GRM4: variants seen among roughly 807,000 people sequenced by gnomAD.
GRM4 encodes the protein glutamate metabotropic receptor 4, also known as metabotropic glutamate receptor 4.
A neutral mutation model predicts 81.7 loss-of-function variants in GRM4; 28 were observed. That is an observed-to-expected ratio of 0.34 (90% CI 0.25 to 0.47). GRM4 has a LOEUF of 0.47. GRM4 is among the 20% of genes least tolerant of loss of function. GRM4 has a pLI of 1.00. For missense variants in GRM4, 948 were observed against 1,290.0 expected (o/e 0.73, Z 4.06); for synonymous variants, 488 against 528.8 (o/e 0.92, Z 1.06).
At chr6:34,072,746 ATCACCACACACCACACAG>A (rs1767013903) in intron 3 of GRM4, among the ~76,000 whole-genome samples, 5 of 21,012 alleles carry the variant, frequency 2.4e-4, no homozygotes, top group Non-Finnish European at 1.9e-4. Context: ...CACCCACACA[ATCACCACACACCACACAG>A]ATACACACCA....
chr6:34,121,419 GC>G lies in GRM4; in HGVS notation c.519+11558del, dbSNP rs1196483933. Among the ~76,000 whole-genome samples, 1 of 152,170 alleles carries G rather than the reference GC, an allele frequency of 6.6e-6. No homozygotes were observed. The highest frequency in any genetic ancestry group is 1.5e-5 in the Non-Finnish European group (1 of 68,040). On this transcript the variant is annotated intron_variant, in intron 2 of 10. Transcript: ENST00000538487. This position sits in a 1 kb window ranked among gnomAD's most constrained non-coding sequence, Gnocchi z 4.6. ...CAGGGCCCTGACAGAGGTTAATGCTGCCCATCCTCCCCTCGGCCACAACCCC... is the reference window on the plus strand; with the variant it reads ...CAGGGCCCTGACAGAGGTTAATGCTGCCATCCTCCCCTCGGCCACAACCCC...
intron 2 of GRM4, among the ~76,000 whole-genome samples, chr6:34,113,690 T>C (rs1769478182): frequency 6.6e-6 from 1 of 152,068 alleles, no homozygotes; most frequent in Admixed American, 6.5e-5. Context: ...GACGACTCTC[T>C]GGGAGGAGTG....
At chr6:34,096,926 GTGTGTGTC>G (rs1232799893) in intron 2 of GRM4, among the ~76,000 whole-genome samples, 1 of 131,862 alleles carries the variant, frequency 7.6e-6, no homozygotes, top group Non-Finnish European at 1.9e-5. Context: ...GTGTGTGTGT[GTGTGTGTC>G]TGTGTGAGTG....
rs115487285 is a variant in GRM4 at position 34,105,976 on chromosome 6, T to C, written c.520-13877A>G. Reference sequence around the variant, plus strand: ...ACAGCTCCAGCATCTCTGTCTGGGCTATCACAACAGGGCCCTTAGCCTCCT... The same window carrying C: ...ACAGCTCCAGCATCTCTGTCTGGGCCATCACAACAGGGCCCTTAGCCTCCT... On this transcript the variant is annotated intron_variant, in intron 2 of 10. Transcript: ENST00000538487. 9.8e-3 allele frequency: 1,494 copies of C among 152,434 alleles called. 20 individuals carry two copies. The highest frequency in any genetic ancestry group is 0.014 in the Non-Finnish European group (939 of 68,116). The allele number at this position is 152,434 out of a possible 1,614,324, so 9.4% of individuals were successfully genotyped here. A position where few individuals can be genotyped will look rare whatever the true frequency, so the allele number is the denominator to read the frequency against.
chr6:34,122,036 T>A (rs1317932111), intron 2 of GRM4, among the ~76,000 whole-genome samples: 1 of 151,960 alleles, frequency 6.6e-6, no homozygotes, highest in Non-Finnish European at 1.5e-5. Context: ...AATCAAGGTA[T>A]GAGGCAGGCG....
chr6:34,044,359 CACAG>C (rs1423314988), intron 6 of GRM4, among the ~76,000 whole-genome samples: 85 of 149,702 alleles, frequency 5.7e-4, no homozygotes, highest in African/African-American at 9.0e-4. Flanking sequence ...CACATATATA[CACAG>C]ACACACACAT....
At chr6:34,154,828 A>T (rs2127522419) in intron 1 of GRM4, among the ~76,000 whole-genome samples, 1 of 152,290 alleles carries the variant, frequency 6.6e-6, no homozygotes, top group South Asian at 2.1e-4. Context: ...GAAACGCGGC[A>T]AGATCGCTGA....
intron 1 of GRM4, among the ~76,000 whole-genome samples, chr6:34,138,114 G>A (rs1264989412): frequency 6.6e-6 from 1 of 152,144 alleles, no homozygotes; most frequent in Non-Finnish European, 1.5e-5. Context: ...CCAAACACCA[G>A]AATAAAGGGT....
In GRM4 at chr6:34,114,363, G is replaced by A. The variant is rs930879816; in HGVS notation, c.519+18615C>T. ...TATATGAACCAATGGATGTCACTAT[G>A]CATAAGGCCATCATCCGGGCCACCA... On this transcript the variant is annotated intron_variant, in intron 2 of 10. Transcript: ENST00000538487. This position sits in a 1 kb window ranked among gnomAD's most constrained non-coding sequence, Gnocchi z 4.3. Among the ~76,000 whole-genome samples the A allele has an allele frequency of 1.3e-5, 2 of 152,134 alleles. No homozygotes were observed. The highest frequency in any genetic ancestry group is 2.9e-5 in the Non-Finnish European group (2 of 68,026).
intron 2 of GRM4, among the ~76,000 whole-genome samples, chr6:34,095,462 T>C (rs144663751): frequency 4.2e-5 from 6 of 142,432 alleles, no homozygotes; most frequent in Admixed American, 3.7e-4. Context: ...GGCAAGTTAC[T>C]TCACCTCCCC....
Position 34,024,759 on chromosome 6 carries a change from G to A in GRM4, c.2690-1889C>T, listed in dbSNP as rs143811627. ...GCAGACGATGAAGAATCACTTAGCCGGATGGTGGTGGGCAAGTTTCAAGGT... is the reference window on the plus strand; with the variant it reads ...GCAGACGATGAAGAATCACTTAGCCAGATGGTGGTGGGCAAGTTTCAAGGT... On this transcript the variant is annotated intron_variant, in intron 10 of 10. Transcript: ENST00000538487. 2.6e-3 allele frequency: 1,188 copies of A among 455,904 alleles called. 10 individuals carry two copies. Among genetic ancestry groups the A allele is most frequent in the African/African-American group, 0.021 (1,031 of 50,134 alleles). The allele number at this position is 455,904 out of a possible 1,614,324, so 28.2% of individuals were successfully genotyped here. A position where few individuals can be genotyped will look rare whatever the true frequency, so the allele number is the denominator to read the frequency against.
At chr6:34,153,390 G>A (rs367567113) in intron 1 of GRM4, among the ~76,000 whole-genome samples, 1 of 152,206 alleles carries the variant, frequency 6.6e-6, no homozygotes, top group East Asian at 1.9e-4. Context: ...CACACTCCGG[G>A]CATCTCCATC....
At chr6:34,147,193 C>T (rs770319591), upstream of GRM4, among the ~76,000 whole-genome samples, 2 of 152,238 alleles carry the variant, frequency 1.3e-5, no homozygotes, top group Non-Finnish European at 2.9e-5. Context: ...ATTGTTCATT[C>T]ATTCATGCTT....
At chr6:34,026,199 G>A (rs1764125973) in intron 10 of GRM4, among the ~76,000 whole-genome samples, 2 of 152,204 alleles carry the variant, frequency 1.3e-5, no homozygotes, top group South Asian at 2.1e-4. Flanking sequence ...GCCAGTGACA[G>A]AGTGAAAAAT....
intron 3 of GRM4, among the ~76,000 whole-genome samples, chr6:34,085,772 G>T (rs141193723): frequency 1.8e-3 from 277 of 152,298 alleles, no homozygotes; most frequent in Non-Finnish European, 3.2e-3. Context: ...AAATGTATTA[G>T]TCTGGTGCTA....
At position 34,130,470 on chromosome 6, in the gene GRM4, CCAGA is replaced by C. The variant is rs1008558305; in HGVS notation, c.519+2504_519+2507del. 3.3e-5 allele frequency among the ~76,000 whole-genome samples: 5 copies of C among 152,162 alleles called. No homozygotes were observed. The highest frequency in any genetic ancestry group is 6.5e-5 in the Admixed American group (1 of 15,286). The stretch of plus-strand genomic sequence containing the variant: ...GAGACCACACCATGCTCCTCTGTGG[CCAGA>C]CAAACAGGGGACACCATGAACCCCC... On this transcript the variant is annotated intron_variant, in intron 2 of 10. Coordinates refer to ENST00000538487, the MANE Select transcript of GRM4 (RefSeq NM_000841.4). This position sits in a 1 kb window ranked among gnomAD's most constrained non-coding sequence, Gnocchi z 4.1.
In GRM4 at chr6:34,042,222, C is replaced by T. The variant is rs1765049899; in HGVS notation, c.1169-1474G>A. On this transcript the variant is annotated intron_variant, in intron 6 of 10. Transcript: ENST00000538487. The surrounding 1 kb of genome is among the most constrained non-coding windows in gnomAD (Gnocchi z 4.2). The stretch of plus-strand genomic sequence containing the variant: ...CGGAGCTTGCAGTGAGCTGAGATTG[C>T]ACCATTGCACTCCAGCCTGAGCGAC... Among the ~76,000 whole-genome samples, 1 of 152,210 alleles carries T rather than the reference C, an allele frequency of 6.6e-6. No individual in the cohort carries two copies. Among genetic ancestry groups the T allele is most frequent in the African/African-American group, 2.4e-5 (1 of 41,460 alleles).
At chr6:34,060,317 G>A (rs145432470) in intron 4 of GRM4, 3,090 of 152,182 alleles carry the variant, frequency 0.02, 45 homozygotes, top group Non-Finnish European at 0.032. Context: ...ATTAATACCC[G>A]TCTGCATCCG....
At chr6:34,086,152 G>A (rs534822899) in intron 3 of GRM4, among the ~76,000 whole-genome samples, 21 of 152,352 alleles carry the variant, frequency 1.4e-4, no homozygotes, top group African/African-American at 4.6e-4. Context: ...CCTCATCCCC[G>A]TGGAGCCTCC....
Sources: gnomAD v4.1 joint callset for allele counts (sites outside exome capture counted in the v4.1 genomes callset) on GRCh38, gnomAD v4.1.1 for gene constraint, Gnocchi (gnomAD v3.1) non-coding constraint, MANE v1.5 for transcripts, NCBI Gene and HGNC (gene_info 2026-07-23, HGNC 2026-07-21) for gene names.